Variants in FAXC observed in about 807,000 individuals in gnomAD.
FAXC encodes the protein failed axon connections homolog, metaxin like GST domain containing, also known as failed axon connections homolog.
FAXC carries 10 observed loss-of-function variants against 41.9 expected under a neutral mutation model. That is an observed-to-expected ratio of 0.24 (90% confidence interval 0.15 to 0.41). The LOEUF (loss-of-function observed/expected upper bound fraction) is 0.41. Ranked by LOEUF, FAXC falls within the 10% of genes least tolerant of loss-of-function variation. The pLI, the probability that FAXC is intolerant of heterozygous loss-of-function variation, is 1.00. For synonymous variants in FAXC, 183 were observed against 183.8 expected (o/e 1.00, Z 0.03); for missense variants, 399 against 510.9 (o/e 0.78, Z 2.11).
chr6:99,349,092 C>T lies in FAXC; in HGVS notation c.266+15G>A, dbSNP rs200432242. On this transcript the variant is annotated intron_variant, in intron 1 of 5. Coordinates refer to ENST00000389677, the MANE Select transcript of FAXC (RefSeq NM_032511.4). ...CCTCTCTGCGCCCCTGTGCGGGGCCCTCTCTCCGGCTCACCTAATGACCAG... is the reference window on the plus strand; with the variant it reads ...CCTCTCTGCGCCCCTGTGCGGGGCCTTCTCTCCGGCTCACCTAATGACCAG... 773 of 1,612,302 alleles carry T rather than the reference C, an allele frequency of 4.8e-4. 5 individuals are homozygous for T. Among genetic ancestry groups the T allele is most frequent in the South Asian group, 3.3e-4 (30 of 91,040 alleles).
intron 4 of FAXC, among the ~76,000 whole-genome samples, chr6:99,307,912 T>C (rs1156488270): frequency 6.6e-6 from 1 of 151,878 alleles, no homozygotes; most frequent in East Asian, 1.9e-4. Context: ...CTGTGAAATA[T>C]AAATAGATCA....
intron 2 of FAXC, among the ~76,000 whole-genome samples, chr6:99,336,209 C>G (rs1011562323): frequency 4.6e-5 from 7 of 152,068 alleles, no homozygotes; most frequent in African/African-American, 1.7e-4. Context: ...AGCCACCATG[C>G]CTGGCCCAAA....
chr6:99,303,362 C>A lies in FAXC; in HGVS notation c.824-11542G>T, dbSNP rs1240408766. Among the ~76,000 whole-genome samples the A allele has an allele frequency of 3.3e-5, 5 of 152,276 alleles. No homozygotes were observed. In the South Asian group the frequency reaches 1.0e-3, roughly 32 times the overall value. On this transcript the variant is annotated intron_variant, in intron 4 of 5. Coordinates refer to ENST00000389677, the MANE Select transcript of FAXC (RefSeq NM_032511.4). Reference sequence around the variant, plus strand: ...AATATACTTAACTTTTAGTAAATGGCAACTATTTATAATACCTTGCCCTTA... The same window carrying A: ...AATATACTTAACTTTTAGTAAATGGAAACTATTTATAATACCTTGCCCTTA...
chr6:99,343,181 G>T, intron 1 of FAXC, 148 bp from the exon 2 acceptor site: 1 of 641,990 alleles, frequency 1.6e-6, no homozygotes, highest in Non-Finnish European at 2.5e-6. Flanking sequence ...CCAGCACCCA[G>T]TTTGTCGAAG....
chr6:99,329,807 T>A lies in FAXC; in HGVS notation c.599+3544A>T, dbSNP rs566708559. Among the ~76,000 whole-genome samples, 11 of 151,680 alleles carry A rather than the reference T, an allele frequency of 7.3e-5. No homozygotes were observed. The East Asian group carries it at 2.0e-3, about 27-fold the overall frequency. On this transcript the variant is annotated intron_variant, in intron 3 of 5. Coordinates refer to ENST00000389677, the MANE Select transcript of FAXC (RefSeq NM_032511.4). ...AACTACACTCAAAATTGTAAAATTA[T>A]GGCCAACCTAGAAGCAAGTTTGAAT...
chr6:99,329,395 C>T (rs547942695), intron 3 of FAXC, among the ~76,000 whole-genome samples: 2 of 152,026 alleles, frequency 1.3e-5, no homozygotes, highest in Non-Finnish European at 2.9e-5. Flanking sequence ...TAATACCTGG[C>T]CCGTGATAGA....
intron 3 of FAXC, among the ~76,000 whole-genome samples, chr6:99,326,715 G>C (rs1414837108): frequency 6.6e-6 from 1 of 152,192 alleles, no homozygotes; most frequent in African/African-American, 2.4e-5. Flanking sequence ...TGAAGGCCAG[G>C]CTGAAAGAGG....
At chr6:99,323,137 C>T (rs1772650860) in intron 4 of FAXC, among the ~76,000 whole-genome samples, 1 of 152,172 alleles carries the variant, frequency 6.6e-6, no homozygotes, top group Admixed American at 6.5e-5. Context: ...GCTCAAAATC[C>T]CTGTTTTCTT....
At chr6:99,321,304 T>G (rs1772579598) in intron 4 of FAXC, among the ~76,000 whole-genome samples, 1 of 152,206 alleles carries the variant, frequency 6.6e-6, no homozygotes, top group African/African-American at 2.4e-5. Context: ...TTTCCCCAAA[T>G]CTTGAGCTAT....
intron 4 of FAXC, 95 bp from the exon 5 acceptor site, chr6:99,291,915 C>G (rs1273217854): frequency 2.2e-6 from 2 of 911,978 alleles, no homozygotes; most frequent in African/African-American, 3.3e-5. Flanking sequence ...TATTCCTTTA[C>G]TGATACCAAA....
At chr6:99,324,567 A>G (rs939442478) in intron 3 of FAXC, among the ~76,000 whole-genome samples, 2 of 152,148 alleles carry the variant, frequency 1.3e-5, no homozygotes, top group African/African-American at 4.8e-5. Flanking sequence ...CTAGTGGTAA[A>G]CTTGCTCATT....
intron 4 of FAXC, among the ~76,000 whole-genome samples, chr6:99,299,036 A>G (rs1771601619): frequency 6.6e-6 from 1 of 152,070 alleles, no homozygotes; most frequent in African/African-American, 2.4e-5. Context: ...TAGAACTTCC[A>G]CCATGCATCT....
At chr6:99,317,638 T>C (rs911762069) in intron 4 of FAXC, among the ~76,000 whole-genome samples, 7 of 152,206 alleles carry the variant, frequency 4.6e-5, no homozygotes, top group East Asian at 1.9e-4. Context: ...TGGCAAGTCA[T>C]TCAACCTTTC....
chr6:99,281,157 C>G lies in FAXC; in HGVS notation c.*7G>C. The G allele has an allele frequency of 7.9e-7, 1 of 1,269,498 alleles. No homozygotes were observed. The highest frequency in any genetic ancestry group is 1.2e-6 in the Non-Finnish European group (1 of 866,246). The allele number at this position is 1,269,498 out of a possible 1,614,324, so 78.6% of individuals were successfully genotyped here. ...GTCCCAAGGAAGAGGGTCAGTGAGG[C>G]TGGACGTCACTTGCACTGTTCGTGG... On this transcript the variant is annotated 3_prime_UTR_variant, in exon 6 of 6. Coordinates refer to ENST00000389677, the MANE Select transcript of FAXC (RefSeq NM_032511.4).
chr6:99,285,328 T>C (rs969682246), intron 5 of FAXC, among the ~76,000 whole-genome samples: 1 of 152,188 alleles, frequency 6.6e-6, no homozygotes, highest in Non-Finnish European at 1.5e-5. Flanking sequence ...CAATAGGTAT[T>C]GATGAAATAA....
intron 5 of FAXC, 134 bp downstream of exon 5, chr6:99,291,570 C>A: frequency 1.4e-6 from 1 of 716,902 alleles, no homozygotes; most frequent in Non-Finnish European, 2.5e-6. Flanking sequence ...AACCCTAGCC[C>A]TGTACACCAT....
intron 2 of FAXC, among the ~76,000 whole-genome samples, chr6:99,340,668 T>A (rs1348370202): frequency 2.7e-4 from 1 of 3,732 alleles, no homozygotes; most frequent in Non-Finnish European, 4.2e-4. Context: ...TAAAATTCCT[T>A]TTTTTTTTTT....
intron 5 of FAXC, among the ~76,000 whole-genome samples, chr6:99,289,023 A>G (rs533360325): frequency 1.1e-4 from 16 of 152,142 alleles, no homozygotes; most frequent in Admixed American, 2.6e-4. Context: ...CTGTCCATCC[A>G]TTTATCCATC....
intron 4 of FAXC, among the ~76,000 whole-genome samples, chr6:99,304,254 C>A (rs915533562): frequency 9.9e-5 from 15 of 151,852 alleles, no homozygotes; most frequent in Non-Finnish European, 2.1e-4. Context: ...CCATTGCACT[C>A]CAGCCTGGGC....
Sources: allele counts gnomAD v4.1 joint callset (sites outside exome capture counted in the v4.1 genomes callset), GRCh38; gene constraint gnomAD v4.1.1; transcripts MANE v1.5; gene names NCBI Gene and HGNC (gene_info 2026-07-23, HGNC 2026-07-21).